The following DLGAP1 variants were observed in gnomAD, a reference collection of about 807,000 sequenced individuals.
The protein encoded by DLGAP1 is disks large-associated protein 1.
In DLGAP1, 11 loss-of-function variants were observed where a neutral mutation model predicts 90.8. The ratio of observed to expected loss-of-function variants is 0.12; its 90% CI spans 0.08 to 0.20. DLGAP1 has a LOEUF of 0.20. Ranked by LOEUF, DLGAP1 falls within the 10% of genes least tolerant of loss-of-function variation. DLGAP1 has a pLI of 1.00. For synonymous variants in DLGAP1, 558 were observed against 540.7 expected (o/e 1.03, Z -0.44); for missense variants, 1,050 against 1,333.8 (o/e 0.79, Z 3.31).
intron 4 of DLGAP1, chr18:3,874,051 T>TA: frequency 6.6e-7 from 1 of 1,518,118 alleles, no homozygotes; most frequent in Non-Finnish European, 8.8e-7. Context: ...AGAGGAGAAA[T>TA]AAAATCACAA....
At chr18:4,242,460 G>A (rs2078558376) in intron 1 of DLGAP1, among the ~76,000 whole-genome samples, 1 of 152,072 alleles carries the variant, frequency 6.6e-6, no homozygotes, top group Non-Finnish European at 1.5e-5. Context: ...GCATTAAGGA[G>A]GATTTGGGGT....
intron 1 of DLGAP1, among the ~76,000 whole-genome samples, chr18:4,357,661 C>T (rs1015343326): frequency 6.6e-6 from 1 of 152,168 alleles, no homozygotes; most frequent in Non-Finnish European, 1.5e-5. Flanking sequence ...TCTGAAAAAC[C>T]AGAGTAGCTC....
chr18:3,893,991 T>C (rs1204873458), intron 3 of DLGAP1, among the ~76,000 whole-genome samples: 2 of 152,232 alleles, frequency 1.3e-5, no homozygotes, highest in Non-Finnish European at 1.5e-5. Context: ...CATTCTTTCA[T>C]ATGTTTATTG....
chr18:4,093,691 C>T (rs749262315), intron 2 of DLGAP1, among the ~76,000 whole-genome samples: 5 of 152,146 alleles, frequency 3.3e-5, no homozygotes, highest in Non-Finnish European at 5.9e-5. Flanking sequence ...GTGTCTGTTA[C>T]TCACTGAATA....
chr18:3,853,641 G>T (rs1296714285), intron 4 of DLGAP1, among the ~76,000 whole-genome samples: 1 of 151,690 alleles, frequency 6.6e-6, no homozygotes, highest in Non-Finnish European at 1.5e-5. Flanking sequence ...AGGTATTCCC[G>T]TCATTAAGTG....
chr18:3,682,362 A>C (rs1215255576), intron 7 of DLGAP1, among the ~76,000 whole-genome samples: 1 of 152,018 alleles, frequency 6.6e-6, no homozygotes, highest in African/African-American at 2.4e-5. Context: ...AGTCAATTAA[A>C]CTTCTCTTCT....
intron 1 of DLGAP1, among the ~76,000 whole-genome samples, chr18:4,203,107 C>G (rs2077639825): frequency 6.6e-6 from 1 of 151,942 alleles, no homozygotes; most frequent in African/African-American, 2.4e-5. Context: ...AAACCTGTCT[C>G]TACTAAAAAT....
intron 2 of DLGAP1, among the ~76,000 whole-genome samples, chr18:4,110,314 T>A (rs534143908): frequency 6.6e-6 from 1 of 152,348 alleles, no homozygotes; most frequent in Admixed American, 6.5e-5. Flanking sequence ...TACATTGTTA[T>A]AGTCTTATGG....
At chr18:4,211,758 C>T (rs2077846258) in intron 1 of DLGAP1, among the ~76,000 whole-genome samples, 1 of 151,984 alleles carries the variant, frequency 6.6e-6, no homozygotes, top group African/African-American at 2.4e-5. Context: ...GCAGTACACC[C>T]CTATGTAAAA....
chr18:4,165,788 G>A (rs1261117785), intron 1 of DLGAP1, among the ~76,000 whole-genome samples: 3 of 152,096 alleles, frequency 2.0e-5, no homozygotes, highest in African/African-American at 7.2e-5. Flanking sequence ...ACCATACAAG[G>A]AGATCCACTC....
chr18:4,365,865 TC>T (rs1326719752), intron 1 of DLGAP1, among the ~76,000 whole-genome samples: 3 of 152,176 alleles, frequency 2.0e-5, no homozygotes, highest in Non-Finnish European at 4.4e-5. Context: ...ATGTTATTTG[TC>T]CCTAAGGTAT....
At chr18:3,583,994 G>C (rs2055726541) in intron 7 of DLGAP1, among the ~76,000 whole-genome samples, 1 of 152,050 alleles carries the variant, frequency 6.6e-6, no homozygotes, top group South Asian at 2.1e-4. Flanking sequence ...TACAATTTTG[G>C]ACCCGTACAA....
At chr18:4,207,095 A>T (rs2077735602) in intron 1 of DLGAP1, among the ~76,000 whole-genome samples, 1 of 152,136 alleles carries the variant, frequency 6.6e-6, no homozygotes, top group Non-Finnish European at 1.5e-5. Context: ...ATCATAGAAG[A>T]AAAGGAGGTG....
intron 1 of DLGAP1, among the ~76,000 whole-genome samples, chr18:4,366,581 A>G (rs536487907): frequency 6.7e-6 from 1 of 149,334 alleles, no homozygotes; most frequent in African/African-American, 2.4e-5. Context: ...GAATATTCAG[A>G]AAAAAAAAAG....
chr18:3,964,074 T>G (rs1247946090), intron 3 of DLGAP1, among the ~76,000 whole-genome samples: 1 of 152,196 alleles, frequency 6.6e-6, no homozygotes, highest in Non-Finnish European at 1.5e-5. Context: ...GAGGCGTCAT[T>G]CCTAAGATAA....
chr18:3,537,019 G>A (rs970736740), intron 9 of DLGAP1, among the ~76,000 whole-genome samples: 3 of 146,314 alleles, frequency 2.1e-5, no homozygotes, highest in African/African-American at 7.6e-5. Context: ...TGTCTGTTAC[G>A]ATGCCCTGTA....
intron 1 of DLGAP1, among the ~76,000 whole-genome samples, chr18:4,324,955 C>T (rs1234844451): frequency 6.6e-6 from 1 of 152,134 alleles, no homozygotes; most frequent in Non-Finnish European, 1.5e-5. Context: ...AATATTGGCA[C>T]AAGGCAAGGA....
chr18:4,242,742 T>G (rs1180864632), intron 1 of DLGAP1, among the ~76,000 whole-genome samples: 3 of 152,012 alleles, frequency 2.0e-5, no homozygotes, highest in Non-Finnish European at 2.9e-5. Flanking sequence ...AGATCATGCA[T>G]GTAATACCCA....
intron 3 of DLGAP1, among the ~76,000 whole-genome samples, chr18:3,981,415 G>A (rs1012761855): frequency 1.2e-4 from 19 of 152,234 alleles, no homozygotes; most frequent in Non-Finnish European, 1.5e-5. Flanking sequence ...CAGACCTGGC[G>A]GAGACCACAG....
Sources: allele counts gnomAD v4.1 joint callset (sites outside exome capture counted in the v4.1 genomes callset), GRCh38; gene constraint gnomAD v4.1.1; transcripts MANE v1.5; gene names NCBI Gene and HGNC (gene_info 2026-07-23, HGNC 2026-07-21).